The following HS3ST4 variants were observed in gnomAD, a reference collection of about 807,000 sequenced individuals.
HS3ST4 encodes the protein heparan sulfate-glucosamine 3-sulfotransferase 4.
A neutral mutation model predicts 29.2 loss-of-function variants in HS3ST4; 17 were observed. The ratio of observed to expected loss-of-function variants is 0.58; its 90% CI spans 0.40 to 0.87. HS3ST4 has a LOEUF of 0.87. Ranked by LOEUF, HS3ST4 falls within the 40% of genes least tolerant of loss-of-function variation. HS3ST4 has a pLI of 0.00. For missense variants in HS3ST4, 627 were observed against 634.5 expected, an observed-to-expected ratio of 0.99 and a Z score of 0.13; for synonymous variants, 314 against 285.7, an observed-to-expected ratio of 1.10 and a Z score of -1.00.
intron 1 of HS3ST4, among the ~76,000 whole-genome samples, chr16:25,820,572 TTTG>T (rs142376636): frequency 0.22 from 32,678 of 151,030 alleles, 3,804 homozygotes; most frequent in Non-Finnish European, 0.25. Flanking sequence ...TAATACAAGT[TTTG>T]TTGTTGTTGT....
chr16:26,002,782 AAAG>A (rs1969223318), intron 1 of HS3ST4, among the ~76,000 whole-genome samples: 1 of 151,938 alleles, frequency 6.6e-6, no homozygotes, highest in Non-Finnish European at 1.5e-5. Context: ...AGAAGGAAAG[AAAG>A]AAAGAAAAAG....
chr16:25,992,491 A>C (rs1004071526), intron 1 of HS3ST4, among the ~76,000 whole-genome samples: 7 of 152,240 alleles, frequency 4.6e-5, no homozygotes, highest in African/African-American at 1.7e-4. Context: ...GACAAAGCTA[A>C]TATTTGCATC....
chr16:26,057,396 C>G (rs188680780), intron 1 of HS3ST4, among the ~76,000 whole-genome samples: 141 of 152,266 alleles, frequency 9.3e-4, no homozygotes, highest in African/African-American at 3.3e-3. Flanking sequence ...TACTGAAACT[C>G]AGGTGTGGCC....
chr16:25,979,032 G>A (rs569278279), intron 1 of HS3ST4, among the ~76,000 whole-genome samples: 1 of 149,898 alleles, frequency 6.7e-6, no homozygotes, highest in South Asian at 2.1e-4. Context: ...CAAGTAGCTG[G>A]GATTACAGGC....
chr16:25,838,673 C>T (rs182656846), intron 1 of HS3ST4, among the ~76,000 whole-genome samples: 3 of 152,264 alleles, frequency 2.0e-5, no homozygotes, highest in Admixed American at 2.0e-4. Flanking sequence ...TTTTCCTAGA[C>T]CCGCCCACTC....
At chr16:25,746,655 A>G (rs1174467565) in intron 1 of HS3ST4, among the ~76,000 whole-genome samples, 1 of 151,690 alleles carries the variant, frequency 6.6e-6, no homozygotes. Context: ...GGGTTCAAGC[A>G]ATTCTCCTGC....
chr16:25,872,945 C>G (rs912777760), intron 1 of HS3ST4, among the ~76,000 whole-genome samples: 2 of 152,044 alleles, frequency 1.3e-5, no homozygotes, highest in African/African-American at 4.8e-5. Context: ...GCTGGGCACT[C>G]TTTCTCATCT....
At chr16:25,883,931 A>G (rs916059028) in intron 1 of HS3ST4, among the ~76,000 whole-genome samples, 1 of 152,116 alleles carries the variant, frequency 6.6e-6, no homozygotes, top group Non-Finnish European at 1.5e-5. Flanking sequence ...CCTGGCCAAC[A>G]TGGTGAAACC....
chr16:26,053,818 A>G (rs1189870227), intron 1 of HS3ST4, among the ~76,000 whole-genome samples: 1 of 152,300 alleles, frequency 6.6e-6, no homozygotes, highest in Middle Eastern at 3.4e-3. Flanking sequence ...GTGTAACAAT[A>G]CCACCATTTT....
chr16:25,737,753 T>C (rs1006702173), intron 1 of HS3ST4, among the ~76,000 whole-genome samples: 1 of 152,128 alleles, frequency 6.6e-6, no homozygotes, highest in Non-Finnish European at 1.5e-5. Context: ...AGAAACAATG[T>C]ATACATTTTA....
chr16:25,910,159 A>C (rs1400718192), intron 1 of HS3ST4, among the ~76,000 whole-genome samples: 1 of 152,236 alleles, frequency 6.6e-6, no homozygotes, highest in Non-Finnish European at 1.5e-5. Flanking sequence ...ATTAAAGGAC[A>C]CAAAGAACCA....
At chr16:26,018,615 T>C (rs937220739) in intron 1 of HS3ST4, among the ~76,000 whole-genome samples, 1 of 151,644 alleles carries the variant, frequency 6.6e-6, no homozygotes, top group Non-Finnish European at 1.5e-5. Context: ...GTCAACAGAG[T>C]CAAATATTGA....
chr16:26,112,926 G>A (rs1340776096), intron 1 of HS3ST4, among the ~76,000 whole-genome samples: 1 of 152,084 alleles, frequency 6.6e-6, no homozygotes, highest in Non-Finnish European at 1.5e-5. Context: ...TTTAAGGTGA[G>A]CGTTTCCATT....
intron 1 of HS3ST4, among the ~76,000 whole-genome samples, chr16:25,768,074 G>A (rs1966832709): frequency 6.6e-6 from 1 of 152,178 alleles, no homozygotes; most frequent in African/African-American, 2.4e-5. Context: ...GGGAGCAGAA[G>A]CCCAGCAGAG....
intron 1 of HS3ST4, among the ~76,000 whole-genome samples, chr16:26,078,319 G>C (rs1898689751): frequency 6.6e-6 from 1 of 152,062 alleles, no homozygotes; most frequent in South Asian, 2.1e-4. Context: ...TTTTTTGTGT[G>C]TGTATTTTTT....
intron 1 of HS3ST4, among the ~76,000 whole-genome samples, chr16:25,769,644 T>A (rs1363446213): frequency 2.0e-5 from 3 of 152,230 alleles, no homozygotes; most frequent in African/African-American, 7.2e-5. Flanking sequence ...AAAGGAAGCC[T>A]TGACTTTCTA....
At chr16:26,056,004 C>A (rs1415958500) in intron 1 of HS3ST4, among the ~76,000 whole-genome samples, 1 of 149,876 alleles carries the variant, frequency 6.7e-6, no homozygotes, top group Non-Finnish European at 1.5e-5. Flanking sequence ...GGATTTACAT[C>A]ATAATGTATC....
chr16:25,703,295 T>G (rs1227884122), intron 1 of HS3ST4, among the ~76,000 whole-genome samples: 2 of 149,260 alleles, frequency 1.3e-5, no homozygotes, highest in Non-Finnish European at 3.0e-5. Flanking sequence ...GAGATGGAGG[T>G]TCGAATCTGA....
intron 1 of HS3ST4, among the ~76,000 whole-genome samples, chr16:25,862,163 A>ATATTTATTTATTTATTTATTTATTTATT (rs60894635): frequency 6.9e-6 from 1 of 144,704 alleles, no homozygotes; most frequent in Non-Finnish European, 1.5e-5. Flanking sequence ...ATTTATTTAC[A>ATATTTATTTATTTATTTATTTATTTATT]TATTTATTTA....
Sources: allele counts gnomAD v4.1 joint callset (sites outside exome capture counted in the v4.1 genomes callset), GRCh38; gene constraint gnomAD v4.1.1; transcripts MANE v1.5; gene names NCBI Gene and HGNC (gene_info 2026-07-23, HGNC 2026-07-21).